GLIS3: variants seen among roughly 807,000 people sequenced by gnomAD.
The protein encoded by GLIS3 is GLIS family zinc finger 3.
In GLIS3, 53 loss-of-function variants were observed where a neutral mutation model predicts 78.6. The ratio of observed to expected loss-of-function variants is 0.67; its 90% CI spans 0.54 to 0.85. The LOEUF is 0.85. Among genes scored for constraint, GLIS3 ranks in the 40% least tolerant of loss-of-function variants. GLIS3 has a pLI of 0.00. For missense variants in GLIS3, 1,703 were observed against 1,231.1 expected (o/e 1.38, Z -5.74); for synonymous variants, 684 against 509.9 (o/e 1.34, Z -4.60).
At chr9:4,225,483 G>C (rs1462662671) in intron 2 of GLIS3, among the ~76,000 whole-genome samples, 2 of 152,116 alleles carry the variant, frequency 1.3e-5, no homozygotes, top group Admixed American at 1.3e-4. Context: ...ACTCATTCCT[G>C]CAACCTAACG....
chr9:4,003,531 C>G (rs971228458), intron 4 of GLIS3, among the ~76,000 whole-genome samples: 9 of 152,186 alleles, frequency 5.9e-5, no homozygotes, highest in African/African-American at 2.2e-4. Flanking sequence ...TAAATACACA[C>G]TGAAGAACCG....
chr9:3,905,148 CTTTTTTTTT>C lies in GLIS3; in HGVS notation c.1984-6322_1984-6314del, dbSNP rs35197736. Among the ~76,000 whole-genome samples, 387 of 136,224 alleles carry C rather than the reference CTTTTTTTTT, an allele frequency of 2.8e-3. 3 individuals are homozygous for C. Among genetic ancestry groups the C allele is most frequent in the Middle Eastern group, 0.012 (3 of 254 alleles). 89.4% of individuals were successfully genotyped at this position (136,224 alleles called of 152,430 possible). The stretch of plus-strand genomic sequence containing the variant: ...CCGCCACGCCCGGTTAAATTTTTTT[CTTTTTTTTT>C]TTTTTGCTATTTTTAGTAGAGATGG... On this transcript the variant is annotated intron_variant, in intron 6 of 10. Transcript: ENST00000381971.
chr9:4,377,204 G>A, the GLIS3 span, among the ~76,000 whole-genome samples: 2 of 135,132 alleles, frequency 1.5e-5, no homozygotes, highest in Non-Finnish European at 3.3e-5. Context: ...GGTAGAGGAA[G>A]ACCCATCCTC....
the GLIS3 span, among the ~76,000 whole-genome samples, chr9:4,434,471 G>T: frequency 1.3e-5 from 2 of 152,078 alleles, no homozygotes; most frequent in Non-Finnish European, 2.9e-5. Context: ...AAAAATAATA[G>T]AAGCTTTGGG....
chr9:4,328,980 G>A (rs1817643491), intron 2 of GLIS3, among the ~76,000 whole-genome samples: 1 of 152,226 alleles, frequency 6.6e-6, no homozygotes, highest in Admixed American at 6.5e-5. Context: ...CTTGAGGTGA[G>A]TGTAGGTGCA....
At chr9:4,401,057 T>C in the GLIS3 span, among the ~76,000 whole-genome samples, 1 of 152,128 alleles carries the variant, frequency 6.6e-6, no homozygotes, top group Non-Finnish European at 1.5e-5. Context: ...GGACTTTGTC[T>C]TGCACCTTAG....
intron 2 of GLIS3, among the ~76,000 whole-genome samples, chr9:4,163,699 G>C (rs1586850611): frequency 6.6e-6 from 1 of 152,182 alleles, no homozygotes; most frequent in Non-Finnish European, 1.5e-5. Context: ...ATATTAAATG[G>C]AGGTAATAAA....
At chr9:4,464,171 T>C in the GLIS3 span, among the ~76,000 whole-genome samples, 3 of 152,118 alleles carry the variant, frequency 2.0e-5, no homozygotes, top group African/African-American at 7.2e-5. Flanking sequence ...GCTCAGCTTA[T>C]GTAGACTTTA....
chr9:3,985,873 C>T (rs1057354445), intron 4 of GLIS3, among the ~76,000 whole-genome samples: 1 of 152,184 alleles, frequency 6.6e-6, no homozygotes, highest in African/African-American at 2.4e-5. Context: ...CCCTCTAGTT[C>T]CTGGCATTCC....
intron 3 of GLIS3, among the ~76,000 whole-genome samples, chr9:4,124,806 G>A (rs1212649751): frequency 6.6e-6 from 1 of 152,164 alleles, no homozygotes; most frequent in Non-Finnish European, 1.5e-5. Flanking sequence ...CTAAAGAAGA[G>A]GAAGCAGGGG....
At chr9:4,444,282 G>C in the GLIS3 span, among the ~76,000 whole-genome samples, 4 of 152,120 alleles carry the variant, frequency 2.6e-5, no homozygotes, top group Non-Finnish European at 5.9e-5. Context: ...TAATTACTAC[G>C]CTTCTCATAC....
intron 4 of GLIS3, among the ~76,000 whole-genome samples, chr9:4,098,598 C>T (rs1830136716): frequency 6.6e-6 from 1 of 152,186 alleles, no homozygotes; most frequent in Admixed American, 6.5e-5. Flanking sequence ...ATGTATCCTA[C>T]AACTGTGCCT....
intron 4 of GLIS3, among the ~76,000 whole-genome samples, chr9:4,043,122 C>T (rs149236315): frequency 2.6e-5 from 4 of 152,186 alleles, no homozygotes; most frequent in Non-Finnish European, 4.4e-5. Context: ...CCCAGCCCCT[C>T]CCCTTCCCAC....
chr9:4,130,035 T>C (rs1401581995), intron 2 of GLIS3, among the ~76,000 whole-genome samples: 4 of 152,218 alleles, frequency 2.6e-5, no homozygotes, highest in Non-Finnish European at 5.9e-5. Context: ...GTAGGCATTG[T>C]GCCCCTGCTC....
chr9:4,392,327 T>G, the GLIS3 span, among the ~76,000 whole-genome samples: 1 of 152,162 alleles, frequency 6.6e-6, no homozygotes, highest in Non-Finnish European at 1.5e-5. Context: ...TGATAGGTGC[T>G]GCAAACCACC....
chr9:4,191,316 C>G (rs2064982), intron 2 of GLIS3, among the ~76,000 whole-genome samples: 1 of 152,230 alleles, frequency 6.6e-6, no homozygotes, highest in African/African-American at 2.4e-5. Context: ...CACAAAATAA[C>G]GGTGTATTTT....
At chr9:4,378,939 G>A in the GLIS3 span, among the ~76,000 whole-genome samples, 5 of 152,326 alleles carry the variant, frequency 3.3e-5, no homozygotes, top group Admixed American at 3.3e-4. Context: ...GTTAAATGAA[G>A]GGGATTGAGG....
At chr9:3,838,074 A>G (rs1818464817) in intron 9 of GLIS3, among the ~76,000 whole-genome samples, 1 of 152,116 alleles carries the variant, frequency 6.6e-6, no homozygotes, top group African/African-American at 2.4e-5. Context: ...CTGCTCTGAA[A>G]TAGTCTATTA....
At chr9:3,914,237 C>T (rs1002530639) in intron 6 of GLIS3, among the ~76,000 whole-genome samples, 1 of 152,110 alleles carries the variant, frequency 6.6e-6, no homozygotes, top group African/African-American at 2.4e-5. Flanking sequence ...CCTTGAATTC[C>T]TGGGCTCAAG....
Sources: allele counts gnomAD v4.1 joint callset (sites outside exome capture counted in the v4.1 genomes callset), GRCh38; gene constraint gnomAD v4.1.1; transcripts MANE v1.5; gene names NCBI Gene and HGNC (gene_info 2026-07-23, HGNC 2026-07-21).